MYO1E: variants seen among roughly 807,000 people sequenced by gnomAD.
The protein encoded by MYO1E is myosin IE.
In MYO1E, 68 loss-of-function variants were observed where a neutral mutation model predicts 151.1. The observed-to-expected ratio is 0.45, with a 90% CI of 0.37 to 0.55. The LOEUF is 0.55. Among genes scored for constraint, MYO1E ranks in the 20% least tolerant of loss-of-function variants. The pLI, the probability that MYO1E is intolerant of heterozygous loss-of-function variation, is 0.00. For missense variants in MYO1E, 1,363 were observed against 1,389.3 expected (o/e 0.98, Z 0.30); for synonymous variants, 601 against 501.7 (o/e 1.20, Z -2.64).
chr15:59,170,554 G>A (rs2079586852), intron 22 of MYO1E, among the ~76,000 whole-genome samples: 1 of 151,874 alleles, frequency 6.6e-6, no homozygotes, highest in Admixed American at 6.6e-5. Flanking sequence ...TGTTTAGGAA[G>A]GCCTTCAGAA....
intron 17 of MYO1E, among the ~76,000 whole-genome samples, chr15:59,193,563 C>T (rs1463122385): frequency 6.6e-6 from 1 of 152,196 alleles, no homozygotes; most frequent in Non-Finnish European, 1.5e-5. Flanking sequence ...CCTAGAGAAA[C>T]TGTTGACGGA....
intron 5 of MYO1E, 107 bp from the exon 6 acceptor site, chr15:59,231,898 G>T: frequency 4.4e-6 from 5 of 1,130,736 alleles, no homozygotes; most frequent in South Asian, 2.6e-5. Flanking sequence ...AAGGTGAGGG[G>T]CCCCACACCC....
At chr15:59,302,935 T>G (rs1449041873) in intron 1 of MYO1E, among the ~76,000 whole-genome samples, 1 of 152,198 alleles carries the variant, frequency 6.6e-6, no homozygotes, top group African/African-American at 2.4e-5. Flanking sequence ...CACCTATGAA[T>G]ACAATCTCTT....
At chr15:59,210,691 A>T in intron 12 of MYO1E, 91 bp from the exon 13 acceptor site, 1 of 885,474 alleles carries the variant, frequency 1.1e-6, no homozygotes, top group Non-Finnish European at 1.9e-6. Flanking sequence ...TTCCCATAAA[A>T]GAGAAAAACC....
At chr15:59,205,296 G>A in intron 15 of MYO1E, 104 bp downstream of exon 15, 1 of 1,128,478 alleles carries the variant, frequency 8.9e-7, no homozygotes, top group South Asian at 1.2e-5. Context: ...CTGAGTAGCT[G>A]GGACTATAGG....
intron 16 of MYO1E, among the ~76,000 whole-genome samples, chr15:59,198,662 T>C (rs1437301227): frequency 6.6e-6 from 1 of 151,498 alleles, no homozygotes. Flanking sequence ...CTAAAAAAAA[T>C]ACCAAAAAAT....
At chr15:59,167,010 C>G (rs1271204722) in intron 22 of MYO1E, among the ~76,000 whole-genome samples, 2 of 152,178 alleles carry the variant, frequency 1.3e-5, no homozygotes, top group Non-Finnish European at 2.9e-5. Context: ...GGGCTCAGCA[C>G]CAGGTAGGTG....
Position 59,256,278 on chromosome 15 carries a change from T to C in MYO1E, c.332+6A>G. The stretch of plus-strand genomic sequence containing the variant: ...CCACGCCCACTGATAAGGATCTTCT[T>C]CATACCTGATAATGACGCACTGGTT... On this transcript the variant is annotated splice_donor_region_variant and intron_variant, in intron 4 of 27. Coordinates refer to ENST00000288235, the MANE Select transcript of MYO1E (RefSeq NM_004998.4). 6.3e-7 allele frequency: 1 copy of C among 1,584,098 alleles called. No individual in the cohort carries two copies.
intron 1 of MYO1E, among the ~76,000 whole-genome samples, chr15:59,328,679 T>A (rs1277501800): frequency 6.6e-6 from 1 of 152,182 alleles, no homozygotes; most frequent in Non-Finnish European, 1.5e-5. Context: ...ACATAGCTGT[T>A]CTGTGTGGAG....
chr15:59,281,550 A>C (rs569188327), intron 1 of MYO1E, among the ~76,000 whole-genome samples: 2 of 152,154 alleles, frequency 1.3e-5, no homozygotes, highest in Admixed American at 1.3e-4. Context: ...GGTTAGGATT[A>C]CAGGCGTGAG....
intron 1 of MYO1E, among the ~76,000 whole-genome samples, chr15:59,300,868 T>A (rs1347445018): frequency 2.1e-5 from 2 of 97,264 alleles, no homozygotes; most frequent in Non-Finnish European, 3.8e-5. Context: ...TTTTTTTTCT[T>A]TTTTTTTTTT....
chr15:59,316,765 A>G (rs1215936416), intron 1 of MYO1E, among the ~76,000 whole-genome samples: 3 of 152,208 alleles, frequency 2.0e-5, no homozygotes, highest in African/African-American at 7.2e-5. Flanking sequence ...AGGATCCGTT[A>G]GCAAGTCTTT....
intron 1 of MYO1E, among the ~76,000 whole-genome samples, chr15:59,298,859 G>C (rs556561855): frequency 6.6e-6 from 1 of 152,172 alleles, no homozygotes; most frequent in Admixed American, 6.5e-5. Flanking sequence ...CGCCATTCTT[G>C]TTTCCACAAG....
chr15:59,138,618 G>A lies in MYO1E; in HGVS notation c.3081-251C>T, dbSNP rs539009278. ...TTGTCACTGTGTCCCCAGCATAGAAGGAAATGTGGGAGACACATATCCATA... is the reference window on the plus strand; with the variant it reads ...TTGTCACTGTGTCCCCAGCATAGAAAGAAATGTGGGAGACACATATCCATA... On this transcript the variant is annotated intron_variant, in intron 26 of 27. Coordinates refer to ENST00000288235, the MANE Select transcript of MYO1E (RefSeq NM_004998.4). 1.2e-4 allele frequency among the ~76,000 whole-genome samples: 19 copies of A among 152,282 alleles called. No homozygotes were observed. In the South Asian group the frequency reaches 3.3e-3, roughly 27 times the overall value.
At chr15:59,239,815 G>T (rs1022695874) in intron 4 of MYO1E, among the ~76,000 whole-genome samples, 37 of 152,128 alleles carry the variant, frequency 2.4e-4, no homozygotes, top group African/African-American at 8.7e-4. Context: ...TTGATCAGAG[G>T]CTGGTGAGTT....
chr15:59,161,659 A>C (rs1225831929), intron 23 of MYO1E, among the ~76,000 whole-genome samples: 1 of 151,926 alleles, frequency 6.6e-6, no homozygotes, highest in Non-Finnish European at 1.5e-5. Flanking sequence ...CAGCTTGAGG[A>C]CTCTAGCATA....
At chr15:59,258,620 G>T (rs533323242) in intron 3 of MYO1E, among the ~76,000 whole-genome samples, 1 of 152,348 alleles carries the variant, frequency 6.6e-6, no homozygotes, top group South Asian at 2.1e-4. Context: ...TCTGAGGCAA[G>T]GCCAGAGGAT....
At chr15:59,326,822 T>G (rs1424839143) in intron 1 of MYO1E, among the ~76,000 whole-genome samples, 1 of 152,208 alleles carries the variant, frequency 6.6e-6, no homozygotes, top group Non-Finnish European at 1.5e-5. Context: ...AAAAAGGACA[T>G]TGGAAACACA....
At chr15:59,253,306 ATAGAAT>A (rs557932123) in intron 4 of MYO1E, among the ~76,000 whole-genome samples, 2 of 152,316 alleles carry the variant, frequency 1.3e-5, no homozygotes, top group South Asian at 2.1e-4. Context: ...CAGAAAAATA[ATAGAAT>A]TAGAAAACAA....
Sources: allele counts gnomAD v4.1 joint callset (sites outside exome capture counted in the v4.1 genomes callset), GRCh38; gene constraint gnomAD v4.1.1; transcripts MANE v1.5; gene names NCBI Gene and HGNC (gene_info 2026-07-23, HGNC 2026-07-21).